The following MICALL2 variants were observed in gnomAD, a reference collection of about 807,000 sequenced individuals.
MICALL2 encodes the protein MICAL-like protein 2.
Under a neutral mutation model 91.1 loss-of-function variants are expected in MICALL2, and 111 were observed. The ratio of observed to expected loss-of-function variants is 1.22; its 90% confidence interval spans 1.04 to 1.43. The LOEUF (loss-of-function observed/expected upper bound fraction) is 1.43. Among genes scored for constraint, MICALL2 ranks in the 40% most tolerant of loss-of-function variants. The probability of loss-of-function intolerance (pLI) is 0.00; values close to 1 mark genes in which losing one functional copy is unlikely to be tolerated. For missense variants in MICALL2, 1,556 were observed against 1,236.0 expected (o/e 1.26, Z -3.88); for synonymous variants, 694 against 525.3 (o/e 1.32, Z -4.39).
chr7:1,435,519 T>G (rs1779926113), intron 15 of MICALL2, among the ~76,000 whole-genome samples: 1 of 148,618 alleles, frequency 6.7e-6, no homozygotes, highest in African/African-American at 2.5e-5. Context: ...ACCACACAGG[T>G]GATGTGGGAC....
In MICALL2 at chr7:1,438,975, G is replaced by T. The variant is rs774448634; in HGVS notation, c.1987C>A (p.Arg663Ser). The part of the protein sequence containing the change: ...SLPARSPSPP[R>S]RRRLAVPASL... ...GCAGGGACGGCCAGTCTCCTGCGGC[G>T]GGGTGGGGAGGGGGACCTGGCTGCC... Residue 663 changes from arginine to serine, a missense_variant, in exon 10 of 17, where the codon CGC becomes AGC. Arg to Ser is a moderately radical substitution (Grantham distance 110). Transcript: ENST00000297508. 8.8e-6 allele frequency: 14 copies of T among 1,596,012 alleles called. No individual in the cohort carries two copies. The East Asian group carries it at 2.7e-4, about 31-fold the overall frequency.
chr7:1,438,704 T>C (rs1780108871), intron 10 of MICALL2, 136 bp downstream of exon 10: 2 of 1,486,602 alleles, frequency 1.3e-6, no homozygotes, highest in African/African-American at 1.4e-5. Flanking sequence ...GGCACGGGGC[T>C]GGGTCCTTCC....
intron 7 of MICALL2, 177 bp downstream of exon 7, chr7:1,442,015 A>G: frequency 2.7e-6 from 2 of 739,250 alleles, no homozygotes; most frequent in Admixed American, 2.6e-5. Context: ...GCCACCACAC[A>G]GAGAGCGCAC....
intron 4 of MICALL2, 99 bp from the exon 5 acceptor site, chr7:1,446,927 A>G: frequency 2.3e-6 from 2 of 852,612 alleles, no homozygotes; most frequent in South Asian, 3.4e-5. Context: ...TTACAGATGG[A>G]GAACTGGCCA....
rs530210370 is a variant in MICALL2, at chr7:1,444,524, G to C, written c.1418+128C>G. ...ATTCCCCAGAGAAGGAAACAGGCTG[G>C]GGGAAGTGCAGTCCCCAAGGCCACA... On this transcript the variant is annotated intron_variant, in intron 6 of 16. Transcript: ENST00000297508. 36 of 909,922 alleles carry C rather than the reference G, an allele frequency of 4.0e-5. No individual in the cohort carries two copies. The African/African-American group carries it at 5.6e-4, about 14-fold the overall frequency. 56.4% of individuals were successfully genotyped at this position (909,922 alleles called of 1,614,324 possible).
At chr7:1,437,489 C>A (rs546199896) in intron 14 of MICALL2, 46 bp downstream of exon 14, 19 of 1,482,330 alleles carry the variant, frequency 1.3e-5, no homozygotes, top group Non-Finnish European at 1.6e-5. Flanking sequence ...CTGGGCTCCG[C>A]GGCATCCCTG....
rs765923248 is a variant in MICALL2, at chr7:1,459,329, G to A, written c.-3C>T. 9.8e-6 allele frequency: 15 copies of A among 1,525,814 alleles called. No homozygotes were observed. In the Admixed American group the frequency reaches 3.0e-4, roughly 31 times the overall value. The allele number at this position is 1,525,814 out of a possible 1,614,324, so 94.5% of individuals were successfully genotyped here. A position where few individuals can be genotyped will look rare whatever the true frequency, so the allele number is the denominator to read the frequency against. Reference sequence around the variant, plus strand: ...TGCAGCGCCCTGATGGCCGCCATGTGGGCGGCGCGCCCGCCGCGCGGCGGA... The same window carrying A: ...TGCAGCGCCCTGATGGCCGCCATGTAGGCGGCGCGCCCGCCGCGCGGCGGA... On this transcript the variant is annotated 5_prime_UTR_variant, in exon 1 of 17. Transcript: ENST00000297508.
Position 1,459,237 on chromosome 7 carries a change from G to C in MICALL2, c.90C>G (p.Phe30Leu). 1 of 1,611,260 alleles carries C rather than the reference G, an allele frequency of 6.2e-7. No individual in the cohort carries two copies. The highest frequency in any genetic ancestry group is 8.5e-7 in the Non-Finnish European group (1 of 1,179,136). Residue 30 changes from phenylalanine to leucine, a missense_variant, in exon 1 of 17, where the codon TTC becomes TTG. Physicochemically the swap from Phe to Leu is conservative, Grantham distance 22. Coordinates refer to ENST00000297508, the MANE Select transcript of MICALL2 (RefSeq NM_182924.4). Reference sequence around the variant, plus strand: ...TGGCGCAGAAAGCCAGGCCGTCGCGGAACGACGTGGTCATGTTGCAGATAT... The same window carrying C: ...TGGCGCAGAAAGCCAGGCCGTCGCGCAACGACGTGGTCATGTTGCAGATAT... ...DVNICNMTTS[F>L]RDGLAFCAIL...
At chr7:1,447,420 C>G (rs1184804847) in intron 4 of MICALL2, among the ~76,000 whole-genome samples, 155 bp downstream of exon 4, 1 of 152,188 alleles carries the variant, frequency 6.6e-6, no homozygotes, top group Non-Finnish European at 1.5e-5. Context: ...GAGCCCGGTC[C>G]TGGCGGCTCT....
chr7:1,444,279 C>T (rs1005129691), intron 6 of MICALL2, among the ~76,000 whole-genome samples: 24 of 150,902 alleles, frequency 1.6e-4, no homozygotes, highest in Admixed American at 6.6e-5. Context: ...CCCGCGTCCA[C>T]TCAGACCCGC....
intron 8 of MICALL2, 172 bp from the exon 9 acceptor site, chr7:1,440,257 G>C: frequency 1.3e-6 from 1 of 774,488 alleles, no homozygotes; most frequent in South Asian, 1.8e-5. Context: ...GCAAACACAC[G>C]TGTCCATCGC....
chr7:1,458,838 G>A (rs1047321990), intron 1 of MICALL2, among the ~76,000 whole-genome samples: 1 of 152,264 alleles, frequency 6.6e-6, no homozygotes, highest in African/African-American at 2.4e-5. Context: ...CTGGTGGCCA[G>A]GCCCCTGGGC....
Position 1,459,417 on chromosome 7 carries a change from G to C in MICALL2, c.-91C>G, listed in dbSNP as rs1781134165. On this transcript the variant is annotated 5_prime_UTR_variant, in exon 1 of 17. Coordinates refer to ENST00000297508, the MANE Select transcript of MICALL2 (RefSeq NM_182924.4). ...CGCCCGGCCGGCGGGACAGACGCTG[G>C]GACCGCTACGGAACCGCCAGACCCA... 8.1e-7 allele frequency: 1 copy of C among 1,239,062 alleles called. No individual in the cohort carries two copies. Among genetic ancestry groups the C allele is most frequent in the Non-Finnish European group, 1.0e-6 (1 of 953,254 alleles). 76.8% of individuals were successfully genotyped at this position (1,239,062 alleles called of 1,614,324 possible). A position where few individuals can be genotyped will look rare whatever the true frequency, so the allele number is the denominator to read the frequency against.
chr7:1,440,736 G>A (rs775323550), intron 7 of MICALL2, 52 bp from the exon 8 acceptor site: 24 of 1,486,172 alleles, frequency 1.6e-5, no homozygotes, highest in Non-Finnish European at 2.1e-5. Flanking sequence ...TGGGAATGGG[G>A]TGTCTGCAAG....
At chr7:1,445,709 C>A (rs150564515) in intron 5 of MICALL2, among the ~76,000 whole-genome samples, 1 of 152,326 alleles carries the variant, frequency 6.6e-6, no homozygotes, top group Non-Finnish European at 1.5e-5. Flanking sequence ...GGGGTGCAAA[C>A]CCCAGAGGGT....
chr7:1,440,066 G>C lies in MICALL2; in HGVS notation c.1825C>G (p.Pro609Ala). Residue 609 changes from proline (P) to alanine (A), a missense_variant, in exon 9 of 17, where the codon CCA becomes GCA. Coordinates refer to ENST00000297508, the MANE Select transcript of MICALL2 (RefSeq NM_182924.4). ...PAERTLKPKEPRALAEPRAGE... is the reference protein window; with the variant it reads ...PAERTLKPKEARALAEPRAGE... ...GCCCTCGGCTCTGCCAGGGCCCGTG[G>C]TTCCTTGGGCTTCAGAGTCCTGGGC... is the stretch of plus-strand genomic sequence containing the variant. 6.3e-7 allele frequency: 1 copy of C among 1,587,820 alleles called. No individual in the cohort carries two copies. The highest frequency in any genetic ancestry group is 2.4e-5 in the East Asian group (1 of 42,368).
rs1780868262 is a variant in MICALL2, at chr7:1,452,415, C to T, written c.144-2127G>A. On this transcript the variant is annotated intron_variant, in intron 1 of 16. Transcript: ENST00000297508. The surrounding 1 kb of genome is among the most constrained non-coding windows in gnomAD (Gnocchi z 6.2). ...TCAGCCCCCAGGGCTTAGGAGCCGG[C>T]TCTCCCTCCCTCTCTCCCCGCCCCC... Among the ~76,000 whole-genome samples, 1 of 152,086 alleles carries T rather than the reference C, an allele frequency of 6.6e-6. No homozygotes were observed. Among genetic ancestry groups the T allele is most frequent in the Non-Finnish European group, 1.5e-5 (1 of 67,998 alleles).
intron 13 of MICALL2, 87 bp from the exon 14 acceptor site, chr7:1,437,695 G>A (rs1185650261): frequency 1.6e-5 from 22 of 1,377,710 alleles, no homozygotes; most frequent in Non-Finnish European, 2.2e-5. Context: ...TCCTGGACCT[G>A]CCACACAGAC....
In MICALL2 at chr7:1,442,502, G is replaced by A. The variant is rs771412739; in HGVS notation, c.1419-18C>T. 5.3e-6 allele frequency: 8 copies of A among 1,518,626 alleles called. No individual in the cohort carries two copies. The highest frequency in any genetic ancestry group is 4.6e-5 in the East Asian group (2 of 43,892). The allele number at this position is 1,518,626 out of a possible 1,614,324, so 94.1% of individuals were successfully genotyped here. On this transcript the variant is annotated intron_variant, in intron 6 of 16. Transcript: ENST00000297508. ...GGGAGGGCCTATAAGTAAAAGCGCA[G>A]GCATCAGGCACAGCTGGATCCAGGC...
Sources: gnomAD v4.1 joint callset for allele counts (sites outside exome capture counted in the v4.1 genomes callset) on GRCh38, gnomAD v4.1.1 for gene constraint, Gnocchi (gnomAD v3.1) non-coding constraint, MANE v1.5 for transcripts, NCBI Gene and HGNC (gene_info 2026-07-23, HGNC 2026-07-21) for gene names.